ASTN2: variants seen among roughly 807,000 people sequenced by gnomAD.
ASTN2 encodes the protein astrotactin 2.
A neutral mutation model predicts 139.8 loss-of-function variants in ASTN2; 54 were observed. The observed-to-expected ratio is 0.39, with a 90% confidence interval of 0.31 to 0.48. The LOEUF (loss-of-function observed/expected upper bound fraction) is 0.48, where lower values mean the gene tolerates loss of function less well. ASTN2 is among the 20% of genes least tolerant of loss of function. ASTN2 has a pLI of 0.95. For missense variants in ASTN2, 1,565 were observed against 1,725.1 expected (o/e 0.91, Z 1.64); for synonymous variants, 756 against 719.5 (o/e 1.05, Z -0.81).
intron 4 of ASTN2, among the ~76,000 whole-genome samples, chr9:117,100,003 A>G (rs536290125): frequency 9.8e-5 from 15 of 152,348 alleles, no homozygotes; most frequent in African/African-American, 2.9e-4. Context: ...CTATGTGTGC[A>G]CACACACATG....
chr9:116,653,993 TC>T (rs1282421780), intron 16 of ASTN2, among the ~76,000 whole-genome samples: 7 of 152,150 alleles, frequency 4.6e-5, no homozygotes, highest in Non-Finnish European at 1.0e-4. Context: ...CAGTCTTATA[TC>T]CAGACCTTTC....
intron 15 of ASTN2, among the ~76,000 whole-genome samples, chr9:116,728,579 G>T (rs1016864703): frequency 6.6e-6 from 1 of 152,094 alleles, no homozygotes; most frequent in African/African-American, 2.4e-5. Flanking sequence ...AGATGGACAG[G>T]AAAATAAATT....
At chr9:117,413,226 G>A (rs1831219008) in intron 1 of ASTN2, among the ~76,000 whole-genome samples, 2 of 152,392 alleles carry the variant, frequency 1.3e-5, no homozygotes, top group South Asian at 4.1e-4. Flanking sequence ...GCTACCAGGA[G>A]AGTGGAGCGT....
chr9:116,496,273 T>C (rs1295726809), intron 19 of ASTN2, among the ~76,000 whole-genome samples: 1 of 152,222 alleles, frequency 6.6e-6, no homozygotes, highest in East Asian at 1.9e-4. Flanking sequence ...AGGTTTTCCA[T>C]AAATATTTAT....
At chr9:116,851,373 G>A (rs1263035376) in intron 11 of ASTN2, among the ~76,000 whole-genome samples, 1 of 152,164 alleles carries the variant, frequency 6.6e-6, no homozygotes, top group African/African-American at 2.4e-5. Context: ...CTTGACATGG[G>A]TGATGGTTTA....
intron 13 of ASTN2, among the ~76,000 whole-genome samples, chr9:116,788,532 G>C (rs1376832724): frequency 6.6e-6 from 1 of 152,124 alleles, no homozygotes; most frequent in Non-Finnish European, 1.5e-5. Context: ...GAAAGATCCA[G>C]TAAGTAAGGC....
chr9:117,226,047 T>C (rs776215039), intron 2 of ASTN2, among the ~76,000 whole-genome samples: 3 of 152,144 alleles, frequency 2.0e-5, no homozygotes, highest in Non-Finnish European at 4.4e-5. Flanking sequence ...GAGGGAAACA[T>C]GGTAAGGGGC....
intron 12 of ASTN2, among the ~76,000 whole-genome samples, chr9:116,808,434 T>C (rs1192573620): frequency 6.6e-6 from 1 of 152,230 alleles, no homozygotes; most frequent in Non-Finnish European, 1.5e-5. Flanking sequence ...CTATATATTG[T>C]TGTGAGACAT....
intron 2 of ASTN2, among the ~76,000 whole-genome samples, chr9:117,225,235 G>A (rs1832664321): frequency 6.6e-6 from 1 of 151,944 alleles, no homozygotes; most frequent in South Asian, 2.1e-4. Flanking sequence ...TCCTCCATCT[G>A]TCTGTAAGAG....
intron 4 of ASTN2, among the ~76,000 whole-genome samples, chr9:117,134,305 C>T (rs5005554): frequency 0.061 from 6,390 of 103,950 alleles, 146 homozygotes; most frequent in Non-Finnish European, 0.094. Context: ...TACACACACA[C>T]ACACACACAC....
At chr9:117,294,061 A>G (rs1834665647) in intron 1 of ASTN2, among the ~76,000 whole-genome samples, 1 of 152,222 alleles carries the variant, frequency 6.6e-6, no homozygotes, top group African/African-American at 2.4e-5. Flanking sequence ...TGTGCCTGAA[A>G]TCCCACTATT....
intron 1 of ASTN2, among the ~76,000 whole-genome samples, chr9:117,412,744 A>T: frequency 6.6e-6 from 1 of 152,152 alleles, no homozygotes; most frequent in East Asian, 1.9e-4. Flanking sequence ...CTAAAGGATG[A>T]AGGGAGAAGG....
intron 10 of ASTN2, among the ~76,000 whole-genome samples, chr9:116,964,256 T>TGCGCGC (rs1289773313): frequency 0.017 from 1,665 of 98,812 alleles, 44 homozygotes; most frequent in African/African-American, 0.05. Context: ...TGTGTGTGTG[T>TGCGCGC]GCGCGCGCGC....
intron 3 of ASTN2, among the ~76,000 whole-genome samples, chr9:117,190,613 A>ACTCC (rs1831319938): frequency 6.6e-6 from 1 of 151,418 alleles, no homozygotes; most frequent in African/African-American, 2.4e-5. Context: ...TCTCAATGCT[A>ACTCC]CTCCTCCCTA....
chr9:117,276,646 T>C (rs1483024754), intron 2 of ASTN2, among the ~76,000 whole-genome samples: 1 of 152,150 alleles, frequency 6.6e-6, no homozygotes, highest in African/African-American at 2.4e-5. Flanking sequence ...CCGGAGCTGC[T>C]TGTGCTTGTA....
rs1255346371 is a variant in ASTN2 at position 117,157,406 on chromosome 9, A to T, written c.1016-15928T>A. ...TCCTCAAAAGAGCCTCATGCAAGGA[A>T]TTATACCAAGATGAAGTTAAATTAA... On this transcript the variant is annotated intron_variant, in intron 3 of 22. Coordinates refer to ENST00000313400, the MANE Select transcript of ASTN2 (RefSeq NM_001365068.1). 2.0e-5 allele frequency among the ~76,000 whole-genome samples: 3 copies of T among 152,046 alleles called. No individual in the cohort carries two copies. The East Asian group carries it at 5.8e-4, about 29-fold the overall frequency.
At chr9:116,860,929 T>C (rs1397815462) in intron 11 of ASTN2, among the ~76,000 whole-genome samples, 3 of 152,186 alleles carry the variant, frequency 2.0e-5, no homozygotes, top group Non-Finnish European at 4.4e-5. Context: ...TTTACAGACA[T>C]GATGGAGAGT....
chr9:117,144,660 GTTTTTTTTTTTTTTTTTTTTTTTTT>G (rs71379267), intron 3 of ASTN2, among the ~76,000 whole-genome samples: 1 of 78,308 alleles, frequency 1.3e-5, no homozygotes, highest in Non-Finnish European at 2.3e-5. Context: ...GTGAACACTA[GTTTTTTTTTTTTTTTTTTTTTTTTT>G]TTTTTTTTTT....
At chr9:117,093,885 A>T (rs1160258250) in intron 5 of ASTN2, among the ~76,000 whole-genome samples, 3 of 152,174 alleles carry the variant, frequency 2.0e-5, no homozygotes, top group Non-Finnish European at 2.9e-5. Context: ...GAATCTAAGC[A>T]TTCAATTCCT....
Sources: allele counts gnomAD v4.1 joint callset (sites outside exome capture counted in the v4.1 genomes callset), GRCh38; gene constraint gnomAD v4.1.1; transcripts MANE v1.5; gene names NCBI Gene and HGNC (gene_info 2026-07-23, HGNC 2026-07-21).